Variants in SPEF1 observed in about 807,000 individuals in gnomAD.
SPEF1 encodes the protein sperm flagellar and cilia associated 1.
In SPEF1, 30 loss-of-function variants were observed where a neutral mutation model predicts 31.8. The ratio of observed to expected loss-of-function variants is 0.94; its 90% CI spans 0.70 to 1.28. The LOEUF is 1.28. Among genes scored for constraint, SPEF1 ranks in the 50% most tolerant of loss-of-function variants. SPEF1 has a pLI of 0.00. For synonymous variants in SPEF1, 126 were observed against 130.1 expected (o/e 0.97, Z 0.21); for missense variants, 298 against 309.6 (o/e 0.96, Z 0.28).
intron 3 of SPEF1, 38 bp downstream of exon 3, chr20:3,779,158 C>T (rs774073759): frequency 7.1e-6 from 11 of 1,544,996 alleles, no homozygotes; most frequent in Non-Finnish European, 9.6e-6. Context: ...CCCCACCCAG[C>T]CCCCAGAGCA....
chr20:3,781,260 G>C lies in SPEF1; in HGVS notation c.28C>G (p.Leu10Val). 3 of 1,614,132 alleles carry C rather than the reference G, an allele frequency of 1.9e-6. No individual in the cohort carries two copies. The highest frequency in any genetic ancestry group is 2.5e-6 in the Non-Finnish European group (3 of 1,180,010). The change falls in exon 1 of 7, where the codon CTG becomes GTG. Residue 10 changes from leucine to valine, a missense_variant. Transcript: ENST00000379756. MASSVDEEA[L>V]HQLYLWVDNI... is the part of the protein sequence containing the mutation. ...TCTACCCACAGGTACAGCTGGTGCA[G>C]CGCCTCCTCGTCCACGCTGCTCGCC... is the stretch of plus-strand genomic sequence containing the variant.
chr20:3,779,096 C>A, intron 3 of SPEF1, 100 bp downstream of exon 3: 2 of 1,579,678 alleles, frequency 1.3e-6, no homozygotes, highest in Non-Finnish European at 1.7e-6. Flanking sequence ...GCCAAGCACC[C>A]CTCCCCCACA....
rs1278427096 is a variant in SPEF1, at chr20:3,778,546, T to C, written c.480-2A>G. The C allele has an allele frequency of 3.1e-6, 5 of 1,605,540 alleles. No individual in the cohort carries two copies. In the African/African-American group the frequency reaches 6.7e-5, roughly 21 times the overall value. ...CGAGGCGCCGGCGGCCGGTCCCAGCTGGGGTGGGAAGCAGCTTAGCGGAGG... is the reference window on the plus strand; with the variant it reads ...CGAGGCGCCGGCGGCCGGTCCCAGCCGGGGTGGGAAGCAGCTTAGCGGAGG... On this transcript the variant is annotated splice_acceptor_variant, in intron 5 of 6. Transcript: ENST00000379756. LOFTEE classifies it high-confidence loss of function.
Position 3,781,236 on chromosome 20 carries a change from C to T in SPEF1, c.52G>A (p.Asp18Asn). ...TTGGGCCGGGACAGAGGGATGTTGTCTACCCACAGGTACAGCTGGTGCAGC... is the reference window on the plus strand; with the variant it reads ...TTGGGCCGGGACAGAGGGATGTTGTTTACCCACAGGTACAGCTGGTGCAGC... ...EALHQLYLWV[D>N]NIPLSRPKRN... is the part of the protein sequence containing the mutation. Residue 18 changes from aspartate to asparagine, a missense_variant, in exon 1 of 7, where the codon GAC (aspartate) becomes AAC (asparagine). Physicochemically the swap from Asp to Asn is conservative, Grantham distance 23 (BLOSUM62 1). Coordinates refer to ENST00000379756, the MANE Select transcript of SPEF1 (RefSeq NM_015417.5). 3 of 1,614,234 alleles carry T rather than the reference C, an allele frequency of 1.9e-6. No homozygotes were observed. Among genetic ancestry groups the T allele is most frequent in the Non-Finnish European group, 1.7e-6 (2 of 1,180,040 alleles).
chr20:3,779,494 T>C, intron 2 of SPEF1, 142 bp from the exon 3 acceptor site: 1 of 894,108 alleles, frequency 1.1e-6, no homozygotes, highest in Non-Finnish European at 1.8e-6. Flanking sequence ...TGAGCTTCCT[T>C]GTGTGGGTGT....
Position 3,779,782 on chromosome 20 carries a change from G to A in SPEF1, c.110-7C>T. 3 of 1,567,448 alleles carry A rather than the reference G, an allele frequency of 1.9e-6. No individual in the cohort carries two copies. Among genetic ancestry groups the A allele is most frequent in the African/African-American group, 2.7e-5 (2 of 73,696 alleles). On this transcript the variant is annotated splice_region_variant and splice_polypyrimidine_tract_variant and intron_variant, in intron 1 of 6. Transcript: ENST00000379756. ...ATGACCTCTGCAACAAGGACTGAGG[G>A]AGAGGGGAGCAGACATGGAAAGTGG...
At position 3,778,752 on chromosome 20, in the gene SPEF1, T is replaced by G. The variant is rs376618461; in HGVS notation, c.473A>C (p.Gln158Pro). ...GAACTCCCAGCTTCTTTACCTGAGC[T>G]GACCCCCTCCCTGGGGGTCCGGGAC... ...EGVPDPQGGG[Q>P]LSWDRPPAPR... Residue 158 changes from glutamine (Q) to proline (P), a missense_variant, in exon 5 of 7, where the codon CAG becomes CCG. Coordinates refer to ENST00000379756, the MANE Select transcript of SPEF1 (RefSeq NM_015417.5). 1.2e-6 allele frequency: 2 copies of G among 1,613,606 alleles called. No homozygotes were observed. The highest frequency in any genetic ancestry group is 2.7e-5 in the African/African-American group (2 of 74,898).
chr20:3,778,847 C>T (rs376910854), intron 4 of SPEF1, 41 bp from the exon 5 acceptor site: 63 of 1,609,688 alleles, frequency 3.9e-5, no homozygotes, highest in African/African-American at 6.7e-5. Context: ...GCTGGAGTCT[C>T]ATTCTCCTGC....
Position 3,781,210 on chromosome 20 carries a change from C to T in SPEF1, c.78G>A (p.Lys26=). The change falls in exon 1 of 7, where the codon AAG becomes AAA. Residue 26 remains lysine (K), a synonymous_variant. Coordinates refer to ENST00000379756, the MANE Select transcript of SPEF1 (RefSeq NM_015417.5). The stretch of plus-strand genomic sequence containing the variant: ...CGCTAAAGTCCCGGGAGAGGTTTCG[C>T]TTGGGCCGGGACAGAGGGATGTTGT... The part of the protein sequence containing the change: ...WVDNIPLSRP[K]RNLSRDFSDG... The T allele has an allele frequency of 6.2e-7, 1 of 1,614,202 alleles. No individual in the cohort carries two copies. The highest frequency in any genetic ancestry group is 8.5e-7 in the Non-Finnish European group (1 of 1,180,022).
Position 3,779,350 on chromosome 20 carries a change from T to C in SPEF1, c.224A>G (p.Lys75Arg). 6.3e-7 allele frequency: 1 copy of C among 1,591,498 alleles called. No individual in the cohort carries two copies. The highest frequency in any genetic ancestry group is 8.6e-7 in the Non-Finnish European group (1 of 1,163,966). The change falls in exon 3 of 7, where the codon AAG becomes AGG. Residue 75 changes from lysine to arginine, a missense_variant and splice_region_variant. Transcript: ENST00000379756. ...KLSNWGHLNR[K>R]VLKRLNFSVP... ...TGAAAAGTTCAGCCTCTTCAGTACC[T>C]TCCTGAGGGGTAGACATTGGGATAG...
At position 3,781,240 on chromosome 20, in the gene SPEF1, C is replaced by A; in HGVS notation, c.48G>T (p.Trp16Cys). The change falls in exon 1 of 7, where the codon TGG (tryptophan) becomes TGT (cysteine). Residue 16 changes from tryptophan (W) to cysteine (C), a missense_variant. Trp to Cys is a radical substitution (Grantham distance 215). Coordinates refer to ENST00000379756, the MANE Select transcript of SPEF1 (RefSeq NM_015417.5). ...GCCGGGACAGAGGGATGTTGTCTAC[C>A]CACAGGTACAGCTGGTGCAGCGCCT... ...DEEALHQLYL[W>C]VDNIPLSRPK... 11 of 1,614,208 alleles carry A rather than the reference C, an allele frequency of 6.8e-6. No homozygotes were observed. The highest frequency in any genetic ancestry group is 2.2e-5 in the South Asian group (2 of 91,088).
chr20:3,779,855 A>G (rs2088769588), intron 1 of SPEF1, 80 bp from the exon 2 acceptor site: 1 of 585,650 alleles, frequency 1.7e-6, no homozygotes, highest in African/African-American at 1.9e-5. Context: ...GGGTGGGAGA[A>G]TCAGGCATGG....
chr20:3,778,849 T>C (rs749569187), intron 4 of SPEF1, 43 bp from the exon 5 acceptor site: 1 of 1,609,332 alleles, frequency 6.2e-7, no homozygotes, highest in African/African-American at 1.3e-5. Flanking sequence ...TGGAGTCTCA[T>C]TCTCCTGCTT....
chr20:3,778,102 A>G lies in SPEF1; in HGVS notation c.*110T>C. 1 of 783,596 alleles carries G rather than the reference A, an allele frequency of 1.3e-6. No homozygotes were observed. The highest frequency in any genetic ancestry group is 2.0e-6 in the Non-Finnish European group (1 of 510,318). The allele number at this position is 783,596 out of a possible 1,614,324, so 48.5% of individuals were successfully genotyped here. A position where few individuals can be genotyped will look rare whatever the true frequency, so the allele number is the denominator to read the frequency against. On this transcript the variant is annotated 3_prime_UTR_variant, in exon 7 of 7. Coordinates refer to ENST00000379756, the MANE Select transcript of SPEF1 (RefSeq NM_015417.5). ...GCACTCGGGCCCCAGCAGGCTCGTG[A>G]GAGCAGCGGGCTCCGCCCTCCCAAT...
chr20:3,780,065 C>G (rs2146636228), intron 1 of SPEF1, among the ~76,000 whole-genome samples: 1 of 152,116 alleles, frequency 6.6e-6, no homozygotes, highest in East Asian at 1.9e-4. Flanking sequence ...TCAGCCAGTG[C>G]AGGGGCTCAC....
At chr20:3,779,582 T>A in intron 2 of SPEF1, 82 bp downstream of exon 2, 1 of 1,095,872 alleles carries the variant, frequency 9.1e-7, no homozygotes, top group Middle Eastern at 2.4e-4. Flanking sequence ...GCGTTGACCC[T>A]CCCCACCCTG....
rs1314020770 is a variant in SPEF1 at position 3,777,514 on chromosome 20, C to T, written c.*698G>A. 1.3e-5 allele frequency: 2 copies of T among 152,334 alleles called. No homozygotes were observed. Among genetic ancestry groups the T allele is most frequent in the Non-Finnish European group, 2.9e-5 (2 of 68,108 alleles). 9.4% of individuals were successfully genotyped at this position (152,334 alleles called of 1,614,324 possible). On this transcript the variant is annotated 3_prime_UTR_variant, in exon 7 of 7. Coordinates refer to ENST00000379756, the MANE Select transcript of SPEF1 (RefSeq NM_015417.5). The surrounding 1 kb of genome is among the most constrained non-coding windows in gnomAD (Gnocchi z 4.1). The stretch of plus-strand genomic sequence containing the variant: ...GGCAGGCACAGGAAATAGAACACAA[C>T]ACTGACTTTAATGGGGCAGCCCTGA...
chr20:3,779,105 C>T, intron 3 of SPEF1, 91 bp downstream of exon 3: 1 of 1,566,102 alleles, frequency 6.4e-7, no homozygotes, highest in Non-Finnish European at 8.7e-7. Context: ...CCCTCCCCCA[C>T]ACTTATCACC....
In SPEF1 at chr20:3,778,137, A is replaced by C; in HGVS notation, c.*75T>G. On this transcript the variant is annotated 3_prime_UTR_variant, in exon 7 of 7. Coordinates refer to ENST00000379756, the MANE Select transcript of SPEF1 (RefSeq NM_015417.5). ...GCTCCGCCCTCCCAATGGTCTATCC[A>C]TCGGTGGGTGGGTCCGGCGCGGCGT... 1.8e-6 allele frequency: 2 copies of C among 1,090,540 alleles called. No homozygotes were observed. The highest frequency in any genetic ancestry group is 2.6e-6 in the Non-Finnish European group (2 of 773,756). The allele number at this position is 1,090,540 out of a possible 1,614,324, so 67.6% of individuals were successfully genotyped here.
Sources: gnomAD v4.1 joint callset for allele counts (sites outside exome capture counted in the v4.1 genomes callset) on GRCh38, gnomAD v4.1.1 for gene constraint, Gnocchi (gnomAD v3.1) non-coding constraint, MANE v1.5 for transcripts, NCBI Gene and HGNC (gene_info 2026-07-23, HGNC 2026-07-21) for gene names.